The following MEI1 variants were observed in gnomAD, a reference collection of about 807,000 sequenced individuals.
The protein encoded by MEI1 is meiosis inhibitor protein 1.
MEI1 carries 103 observed loss-of-function variants against 146.2 expected under a neutral mutation model. The ratio of observed to expected loss-of-function variants is 0.70; its 90% CI spans 0.60 to 0.83. The LOEUF (loss-of-function observed/expected upper bound fraction) is 0.83. Ranked by LOEUF, MEI1 falls within the 40% of genes least tolerant of loss-of-function variation. The probability of loss-of-function intolerance (pLI) is 0.00; values close to 1 mark genes in which losing one functional copy is unlikely to be tolerated. For missense variants in MEI1, 1,529 were observed against 1,533.0 expected (o/e 1.00, Z 0.04); for synonymous variants, 652 against 628.2 (o/e 1.04, Z -0.57).
chr22:41,699,653 G>C lies in MEI1; in HGVS notation c.115G>C (p.Val39Leu). The change falls in exon 1 of 31, where the codon GTG becomes CTG. Residue 39 changes from valine to leucine, a missense_variant. Transcript: ENST00000401548. ...GCACGACCCGCGCTGGCTGCTGCCC[G>C]TGACCCCCCGCCTGTGCCTGGCCTG... is the stretch of plus-strand genomic sequence containing the variant. ...YRHDPRWLLP[V>L]TPRLCLACAL... The C allele has an allele frequency of 6.3e-7, 1 of 1,590,744 alleles. No homozygotes were observed. Among genetic ancestry groups the C allele is most frequent in the Non-Finnish European group, 8.6e-7 (1 of 1,168,560 alleles).
chr22:41,737,382 G>C (rs528304404), intron 11 of MEI1, among the ~76,000 whole-genome samples: 1 of 151,840 alleles, frequency 6.6e-6, no homozygotes, highest in African/African-American at 2.4e-5. Context: ...GACTACAGGC[G>C]CCCACCACCA....
In MEI1 at chr22:41,785,783, C is replaced by T. The variant is rs372344042; in HGVS notation, c.3345+1000C>T. ...TTCCGCATATTGGTCAGGCTGGTCT[C>T]GAACTCCTGACCTCAGGTGATCCAC... is the stretch of plus-strand genomic sequence containing the variant. On this transcript the variant is annotated intron_variant, in intron 26 of 30. Coordinates refer to ENST00000401548, the MANE Select transcript of MEI1 (RefSeq NM_152513.4). Among the ~76,000 whole-genome samples, 141 of 151,652 alleles carry T rather than the reference C, an allele frequency of 9.3e-4. 5 individuals carry two copies. In the South Asian group the frequency reaches 0.028, roughly 30 times the overall value.
chr22:41,791,976 C>G (rs774195922), intron 26 of MEI1, among the ~76,000 whole-genome samples: 1 of 152,068 alleles, frequency 6.6e-6, no homozygotes, highest in Non-Finnish European at 1.5e-5. Flanking sequence ...TTGCCTAGGG[C>G]TGAGTGGAGA....
chr22:41,766,747 G>C (rs759120106), intron 19 of MEI1, among the ~76,000 whole-genome samples: 2 of 150,974 alleles, frequency 1.3e-5, no homozygotes, highest in Non-Finnish European at 3.0e-5. Context: ...AGACGGACTG[G>C]TCTCAAACTC....
rs2076323261 is a variant in MEI1 at position 41,795,331 on chromosome 22, A to G, written c.3535-80A>G. The G allele has an allele frequency of 2.6e-6, 4 of 1,565,274 alleles. No individual in the cohort carries two copies. The highest frequency in any genetic ancestry group is 2.0e-4 in the Middle Eastern group (1 of 4,904). ...TGTGGGCTTCAGGACAGTGTCTCCT[A>G]AAGTTGGGGCACAGCAGTTGTCTAT... On this transcript the variant is annotated intron_variant, in intron 28 of 30. Transcript: ENST00000401548. This position sits in a 1 kb window ranked among gnomAD's most constrained non-coding sequence, Gnocchi z 4.2.
At chr22:41,778,275 A>G (rs915539964) in intron 21 of MEI1, among the ~76,000 whole-genome samples, 3 of 149,556 alleles carry the variant, frequency 2.0e-5, no homozygotes, top group African/African-American at 7.3e-5. Context: ...TCATCTACCA[A>G]AGGCCTCACT....
intron 3 of MEI1, among the ~76,000 whole-genome samples, chr22:41,707,394 C>CT (rs2069176296): frequency 6.6e-6 from 1 of 152,128 alleles, no homozygotes; most frequent in African/African-American, 2.4e-5. Flanking sequence ...CTGAGTGGCA[C>CT]TGACTAGATA....
chr22:41,778,539 G>A (rs1602110282), intron 21 of MEI1, 169 bp from the exon 22 acceptor site: 3 of 586,178 alleles, frequency 5.1e-6, no homozygotes, highest in Middle Eastern at 3.0e-4. Flanking sequence ...AGTTACGCCT[G>A]TTCTAAATGA....
chr22:41,797,775 G>T (rs191852662), intron 30 of MEI1, among the ~76,000 whole-genome samples: 128 of 152,186 alleles, frequency 8.4e-4, no homozygotes, highest in African/African-American at 2.9e-3. Context: ...CTGGTCCCAA[G>T]AATTTTGGAT....
At chr22:41,750,270 A>C (rs1402232155) in intron 15 of MEI1, among the ~76,000 whole-genome samples, 1 of 152,216 alleles carries the variant, frequency 6.6e-6, no homozygotes, top group Non-Finnish European at 1.5e-5. Flanking sequence ...GAGCATTTGG[A>C]GAGGTAGGAA....
intron 2 of MEI1, among the ~76,000 whole-genome samples, chr22:41,704,366 A>T (rs2068921748): frequency 6.6e-6 from 1 of 151,690 alleles, no homozygotes; most frequent in Non-Finnish European, 1.5e-5. Flanking sequence ...CATAGACACC[A>T]GAGCACATGG....
chr22:41,783,839 C>T (rs2075849784), intron 24 of MEI1, among the ~76,000 whole-genome samples: 1 of 152,010 alleles, frequency 6.6e-6, no homozygotes, highest in Non-Finnish European at 1.5e-5. Flanking sequence ...GCTACCATGC[C>T]CAGATAATGT....
chr22:41,741,468 A>T (rs1367035323), intron 11 of MEI1, among the ~76,000 whole-genome samples: 2 of 152,236 alleles, frequency 1.3e-5, no homozygotes, highest in Non-Finnish European at 2.9e-5. Context: ...GAAACTCACA[A>T]TTAAACTAGT....
intron 24 of MEI1, among the ~76,000 whole-genome samples, chr22:41,782,996 C>T (rs1160492175): frequency 1.3e-5 from 2 of 152,208 alleles, no homozygotes; most frequent in African/African-American, 2.4e-5. Flanking sequence ...TCTGTCCTCA[C>T]ACCCCTTCTG....
At chr22:41,706,157 T>G (rs1302306560) in intron 3 of MEI1, among the ~76,000 whole-genome samples, 1 of 152,182 alleles carries the variant, frequency 6.6e-6, no homozygotes, top group Non-Finnish European at 1.5e-5. Flanking sequence ...TATCTGGGAC[T>G]ACAGGTGTGC....
chr22:41,794,011 C>A, intron 27 of MEI1, 101 bp downstream of exon 27: 2 of 1,128,938 alleles, frequency 1.8e-6, no homozygotes, highest in Non-Finnish European at 2.6e-6. Flanking sequence ...TTGTGTGACT[C>A]ATACTTGTTT....
intron 7 of MEI1, among the ~76,000 whole-genome samples, chr22:41,728,429 T>C (rs776770112): frequency 6.6e-6 from 1 of 152,208 alleles, no homozygotes; most frequent in Non-Finnish European, 1.5e-5. Flanking sequence ...CACAGAATTG[T>C]TGCAAACATC....
intron 15 of MEI1, among the ~76,000 whole-genome samples, chr22:41,748,430 T>TC (rs1441072318): frequency 6.6e-6 from 1 of 152,172 alleles, no homozygotes; most frequent in Non-Finnish European, 1.5e-5. Flanking sequence ...ATGCCTGTAA[T>TC]CCTAGTGCTT....
chr22:41,799,091 C>T (rs1257038369), intron 30 of MEI1, among the ~76,000 whole-genome samples, 163 bp from the exon 31 acceptor site: 1 of 152,184 alleles, frequency 6.6e-6, no homozygotes, highest in Non-Finnish European at 1.5e-5. Context: ...TAGCAACTAC[C>T]TAGCCCAGGT....
Sources: gnomAD v4.1 joint callset for allele counts (sites outside exome capture counted in the v4.1 genomes callset) on GRCh38, gnomAD v4.1.1 for gene constraint, Gnocchi (gnomAD v3.1) non-coding constraint, MANE v1.5 for transcripts, NCBI Gene and HGNC (gene_info 2026-07-23, HGNC 2026-07-21) for gene names.